Variants in PDE4D observed in about 807,000 individuals in gnomAD.
PDE4D encodes phosphodiesterase 4D, also known as 3',5'-cyclic-AMP phosphodiesterase 4D.
In PDE4D, 24 loss-of-function variants were observed where a neutral mutation model predicts 87.4. The observed-to-expected ratio is 0.27, with a 90% confidence interval of 0.20 to 0.39. The LOEUF (loss-of-function observed/expected upper bound fraction) is 0.39, where lower values mean the gene tolerates loss of function less well. Among genes scored for constraint, PDE4D ranks in the 10% least tolerant of loss-of-function variants. The probability of loss-of-function intolerance (pLI) is 1.00; values close to 1 mark genes in which losing one functional copy is unlikely to be tolerated. For synonymous variants in PDE4D, 384 were observed against 383.2 expected (o/e 1.00, Z -0.02); for missense variants, 714 against 1,041.0 (o/e 0.69, Z 4.32).
At chr5:59,130,455 T>C (rs1234447561) in intron 5 of PDE4D, among the ~76,000 whole-genome samples, 1 of 152,218 alleles carries the variant, frequency 6.6e-6, no homozygotes, top group Non-Finnish European at 1.5e-5. Flanking sequence ...TGAGTTAATT[T>C]CATTAATAAC....
At chr5:60,294,106 T>C (rs1032786070) in intron 1 of PDE4D, among the ~76,000 whole-genome samples, 3 of 152,196 alleles carry the variant, frequency 2.0e-5, no homozygotes, top group Non-Finnish European at 4.4e-5. Context: ...GTTTTCAACC[T>C]TTTTAATTTT....
chr5:59,602,024 A>T (rs912494610), intron 1 of PDE4D, among the ~76,000 whole-genome samples: 29 of 152,052 alleles, frequency 1.9e-4, no homozygotes, highest in African/African-American at 7.0e-4. Context: ...AAAATCCTCA[A>T]CAAACTAGCC....
chr5:60,300,594 G>A (rs529863009), intron 1 of PDE4D, among the ~76,000 whole-genome samples: 1 of 151,952 alleles, frequency 6.6e-6, no homozygotes, highest in Non-Finnish European at 1.5e-5. Flanking sequence ...TAAGGAAGGG[G>A]CCGAATTTCA....
chr5:59,485,931 C>T (rs1805063526), intron 1 of PDE4D, among the ~76,000 whole-genome samples: 1 of 151,988 alleles, frequency 6.6e-6, no homozygotes, highest in Non-Finnish European at 1.5e-5. Context: ...AATGAGTTTG[C>T]TATCTAAATA....
intron 1 of PDE4D, among the ~76,000 whole-genome samples, chr5:60,397,184 A>C (rs1013072562): frequency 3.9e-5 from 6 of 152,240 alleles, no homozygotes; most frequent in African/African-American, 9.6e-5. Flanking sequence ...ACATCTGCAC[A>C]CTGTTCATGG....
chr5:60,356,144 C>T (rs193108601), intron 1 of PDE4D, among the ~76,000 whole-genome samples: 5 of 152,200 alleles, frequency 3.3e-5, no homozygotes, highest in Admixed American at 1.3e-4. Flanking sequence ...CCCCCAGAGC[C>T]GCGTGTCAGT....
chr5:60,332,153 C>G (rs1443914266), intron 1 of PDE4D, among the ~76,000 whole-genome samples: 1 of 152,060 alleles, frequency 6.6e-6, no homozygotes, highest in Non-Finnish European at 1.5e-5. Flanking sequence ...GAAATTTAAG[C>G]CTAAGTCCAA....
chr5:60,147,611 A>C, intron 2 of PDE4D: 2 of 275,418 alleles, frequency 7.3e-6, no homozygotes, highest in South Asian at 6.1e-5. Context: ...AATATCTCTT[A>C]CCTCACACAG....
intron 1 of PDE4D, among the ~76,000 whole-genome samples, chr5:60,428,804 A>G (rs1450799794): frequency 1.3e-5 from 2 of 152,238 alleles, no homozygotes; most frequent in Non-Finnish European, 2.9e-5. Context: ...ATTTGCACAC[A>G]TCTAATACAA....
upstream of PDE4D, among the ~76,000 whole-genome samples, chr5:60,492,899 G>A: frequency 6.8e-6 from 1 of 146,990 alleles, no homozygotes; most frequent in Non-Finnish European, 1.5e-5. Context: ...AAAAAAAAAA[G>A]ATTAAAAAAA....
intron 5 of PDE4D, among the ~76,000 whole-genome samples, chr5:59,094,330 T>C (rs1290788156): frequency 6.7e-6 from 1 of 149,914 alleles, no homozygotes; most frequent in Non-Finnish European, 1.5e-5. Flanking sequence ...AAAATGTGTG[T>C]GAACAAATCT....
intron 6 of PDE4D, chr5:58,999,726 C>T: frequency 1.9e-6 from 2 of 1,056,084 alleles, no homozygotes; most frequent in Non-Finnish European, 1.1e-6. Flanking sequence ...GTCTTCCCAT[C>T]GAATACATGC....
chr5:60,280,275 C>T (rs909744873), intron 1 of PDE4D, among the ~76,000 whole-genome samples: 1 of 150,764 alleles, frequency 6.6e-6, no homozygotes, highest in African/African-American at 2.4e-5. Context: ...TGCCTTCTGC[C>T]TTCTCTCCAT....
At chr5:60,375,916 G>A (rs550055404) in intron 1 of PDE4D, among the ~76,000 whole-genome samples, 2 of 152,276 alleles carry the variant, frequency 1.3e-5, no homozygotes, top group Admixed American at 6.5e-5. Flanking sequence ...GTACGCGCCT[G>A]TAGTCCCAGC....
chr5:60,431,799 A>G (rs1744339828), intron 1 of PDE4D, among the ~76,000 whole-genome samples: 1 of 152,230 alleles, frequency 6.6e-6, no homozygotes, highest in South Asian at 2.1e-4. Context: ...CACTGAGTGA[A>G]CCAGACTCCA....
At chr5:60,299,471 G>T (rs1753706532) in intron 1 of PDE4D, among the ~76,000 whole-genome samples, 1 of 152,112 alleles carries the variant, frequency 6.6e-6, no homozygotes, top group African/African-American at 2.4e-5. Flanking sequence ...GTGCCATGGT[G>T]GTTGCTGCAC....
In PDE4D at chr5:59,420,722, G is replaced by T. The variant is rs556183944; in HGVS notation, c.456-204754C>A. On this transcript the variant is annotated intron_variant, in intron 1 of 14. Transcript: ENST00000340635. The stretch of plus-strand genomic sequence containing the variant: ...AAAAAAAAAACAAGAAAAGAAAATG[G>T]AAACTTGAAGAGAACAAAGAGCTGC... Among the ~76,000 whole-genome samples the T allele has an allele frequency of 1.1e-4, 16 of 150,778 alleles. No individual in the cohort carries two copies. The South Asian group carries it at 3.4e-3, about 32-fold the overall frequency.
At chr5:60,476,277 T>C (rs1250745861) in intron 1 of PDE4D, among the ~76,000 whole-genome samples, 1 of 152,216 alleles carries the variant, frequency 6.6e-6, no homozygotes, top group Non-Finnish European at 1.5e-5. Flanking sequence ...CTGTTGGGTC[T>C]ACTTTGGGAG....
chr5:60,323,785 C>T (rs1583422731), intron 1 of PDE4D, among the ~76,000 whole-genome samples: 4 of 151,828 alleles, frequency 2.6e-5, no homozygotes, highest in Admixed American at 2.6e-4. Flanking sequence ...CAGCCTCTCT[C>T]TCCTGAGGTC....
Sources: allele counts gnomAD v4.1 joint callset (sites outside exome capture counted in the v4.1 genomes callset), GRCh38; gene constraint gnomAD v4.1.1; transcripts MANE v1.5; gene names NCBI Gene and HGNC (gene_info 2026-07-23, HGNC 2026-07-21).